The following PARD3 variants were observed in gnomAD, a reference collection of about 807,000 sequenced individuals.
PARD3 encodes par-3 family cell polarity regulator, also known as partitioning defective 3 homolog.
PARD3 carries 75 observed loss-of-function variants against 155.4 expected under a neutral mutation model. The ratio of observed to expected loss-of-function variants is 0.48; its 90% CI spans 0.40 to 0.58. The LOEUF (loss-of-function observed/expected upper bound fraction) is 0.58, where lower values mean the gene tolerates loss of function less well. Among genes scored for constraint, PARD3 ranks in the 20% least tolerant of loss-of-function variants. PARD3 has a pLI of 0.00. For missense variants in PARD3, 1,642 were observed against 1,721.7 expected (o/e 0.95, Z 0.82); for synonymous variants, 576 against 610.5 (o/e 0.94, Z 0.83).
At chr10:34,324,293 T>A in intron 19 of PARD3, among the ~76,000 whole-genome samples, 1 of 152,280 alleles carries the variant, frequency 6.6e-6, no homozygotes, top group South Asian at 2.1e-4. Context: ...CTATATTGAG[T>A]GATCCGCAAA....
chr10:34,496,532 G>A (rs1490521817), intron 3 of PARD3, among the ~76,000 whole-genome samples: 1 of 152,154 alleles, frequency 6.6e-6, no homozygotes, highest in Non-Finnish European at 1.5e-5. Flanking sequence ...TGAAATCGGA[G>A]TTATATTAAG....
intron 23 of PARD3, among the ~76,000 whole-genome samples, chr10:34,129,602 CT>C (rs1947479347): frequency 6.6e-6 from 1 of 151,894 alleles, no homozygotes; most frequent in Non-Finnish European, 1.5e-5. Context: ...ACATTTCTAC[CT>C]TTAATCTCCC....
intron 2 of PARD3, among the ~76,000 whole-genome samples, chr10:34,654,483 C>T (rs1241542869): frequency 6.6e-6 from 1 of 152,190 alleles, no homozygotes; most frequent in African/African-American, 2.4e-5. Flanking sequence ...CACTGCCTGC[C>T]TTTCTATGGA....
chr10:34,729,084 G>A (rs2094770691), intron 1 of PARD3, among the ~76,000 whole-genome samples: 1 of 152,170 alleles, frequency 6.6e-6, no homozygotes, highest in Non-Finnish European at 1.5e-5. Flanking sequence ...TGTGCAGTAG[G>A]CTCTGCAACC....
At chr10:34,728,167 T>C (rs1215796043) in intron 1 of PARD3, among the ~76,000 whole-genome samples, 1 of 152,072 alleles carries the variant, frequency 6.6e-6, no homozygotes, top group Non-Finnish European at 1.5e-5. Flanking sequence ...CTATTTTCTA[T>C]CTAGTTAAGA....
intron 20 of PARD3, among the ~76,000 whole-genome samples, chr10:34,284,893 A>ACGG (rs1401389109): frequency 6.6e-6 from 1 of 152,208 alleles, no homozygotes; most frequent in Non-Finnish European, 1.5e-5. Context: ...ATCTGATCAA[A>ACGG]AACAAACACA....
At chr10:34,353,728 A>T (rs10827353) in intron 14 of PARD3, among the ~76,000 whole-genome samples, 50,142 of 105,968 alleles carry the variant, frequency 0.47, 12,990 homozygotes, top group African/African-American at 0.76. Context: ...AATAAATAAA[A>T]AAATAAATAA....
chr10:34,741,754 GT>G (rs1190958184), intron 1 of PARD3, among the ~76,000 whole-genome samples: 2 of 152,144 alleles, frequency 1.3e-5, no homozygotes, highest in Admixed American at 6.5e-5. Flanking sequence ...TATGGATTCA[GT>G]AGGCACTACT....
chr10:34,393,817 C>T (rs1291859535), intron 7 of PARD3, among the ~76,000 whole-genome samples: 1 of 150,790 alleles, frequency 6.6e-6, no homozygotes, highest in Non-Finnish European at 1.5e-5. Context: ...ATTATGAAGC[C>T]CAAGTAAGAA....
intron 22 of PARD3, among the ~76,000 whole-genome samples, chr10:34,147,105 A>C (rs1948547259): frequency 6.6e-6 from 1 of 152,178 alleles, no homozygotes; most frequent in African/African-American, 2.4e-5. Flanking sequence ...TAAAAAAAAA[A>C]AACTTTTGAG....
intron 20 of PARD3, 123 bp from the exon 21 acceptor site, chr10:34,284,368 T>C: frequency 1.7e-6 from 1 of 583,082 alleles, no homozygotes. Context: ...TCAGGTGTCT[T>C]CTGCAGTCAG....
chr10:34,627,270 C>A (rs1208975902), intron 2 of PARD3, among the ~76,000 whole-genome samples: 1 of 152,172 alleles, frequency 6.6e-6, no homozygotes, highest in Non-Finnish European at 1.5e-5. Context: ...TCAAGCAATT[C>A]TCCTGCCATG....
intron 2 of PARD3, among the ~76,000 whole-genome samples, chr10:34,583,882 A>G (rs2087743009): frequency 6.6e-6 from 1 of 152,234 alleles, no homozygotes; most frequent in Admixed American, 6.5e-5. Context: ...AAGATTAAAA[A>G]AAATCAGTGC....
At chr10:34,371,449 C>G (rs749278842) in intron 12 of PARD3, among the ~76,000 whole-genome samples, 2 of 116,494 alleles carry the variant, frequency 1.7e-5, no homozygotes, top group African/African-American at 3.3e-5. Context: ...GAGGTCAAGG[C>G]TGCAGTGAGC....
chr10:34,343,461 A>G, intron 15 of PARD3: 1 of 982,542 alleles, frequency 1.0e-6, no homozygotes, highest in Non-Finnish European at 1.2e-6. Context: ...GTATACATAG[A>G]TAAATGGCAA....
At chr10:34,225,161 T>C (rs1167784678) in intron 22 of PARD3, among the ~76,000 whole-genome samples, 3 of 152,150 alleles carry the variant, frequency 2.0e-5, no homozygotes, top group Non-Finnish European at 4.4e-5. Context: ...CACAGACATA[T>C]ACACATCATG....
chr10:34,356,471 A>C (rs1182307523), intron 14 of PARD3, among the ~76,000 whole-genome samples: 1 of 152,256 alleles, frequency 6.6e-6, no homozygotes, highest in East Asian at 1.9e-4. Flanking sequence ...TCTTTTACAC[A>C]TTCTTACCTT....
intron 24 of PARD3, 102 bp from the exon 25 acceptor site, chr10:34,111,664 A>G: frequency 1.0e-6 from 1 of 954,300 alleles, no homozygotes; most frequent in Non-Finnish European, 1.6e-6. Flanking sequence ...ACTTTTCAAC[A>G]AATATTCCTG....
chr10:34,567,664 G>A (rs537839253), intron 2 of PARD3, among the ~76,000 whole-genome samples: 20 of 152,280 alleles, frequency 1.3e-4, no homozygotes, highest in South Asian at 4.1e-4. Context: ...TATGCACTTT[G>A]ACAATTTAAT....
Sources: gnomAD v4.1 joint callset for allele counts (sites outside exome capture counted in the v4.1 genomes callset) on GRCh38, gnomAD v4.1.1 for gene constraint, MANE v1.5 for transcripts, NCBI Gene and HGNC (gene_info 2026-07-23, HGNC 2026-07-21) for gene names.